The following DOCK5 variants were observed in gnomAD, a reference collection of about 807,000 sequenced individuals.
The protein encoded by DOCK5 is dedicator of cytokinesis 5, also known as dedicator of cytokinesis protein 5.
Under a neutral mutation model 251.8 loss-of-function variants are expected in DOCK5, and 142 were observed. The observed-to-expected ratio is 0.56, with a 90% confidence interval of 0.49 to 0.65. The LOEUF (loss-of-function observed/expected upper bound fraction) is 0.65. Among genes scored for constraint, DOCK5 ranks in the 30% least tolerant of loss-of-function variants. The probability of loss-of-function intolerance (pLI) is 0.00; values close to 1 mark genes in which losing one functional copy is unlikely to be tolerated. For synonymous variants in DOCK5, 842 were observed against 835.5 expected (o/e 1.01, Z -0.13); for missense variants, 2,111 against 2,312.3 (o/e 0.91, Z 1.79).
rs180942090 is a variant in DOCK5 at position 25,368,246 on chromosome 8, C to G, written c.3279C>G (p.Asn1093Lys). The change falls in exon 32 of 52, where the codon AAC becomes AAG. Residue 1093 changes from asparagine to lysine, a missense_variant. Asn to Lys is a moderately conservative substitution (Grantham distance 94). This residue lies in a region of DOCK5 where 1,717 missense variants were observed against 1,892.4 expected (regional missense o/e 0.91). Coordinates refer to ENST00000276440, the MANE Select transcript of DOCK5 (RefSeq NM_024940.8). ...TTAGAATCCGGGACATGTGGTATAA[C>G]CTGGGTGAGTGTCTAGCCTTGAACA... ...IGFRIRDMWY[N>K]LGPHKIKFIP... 4 of 1,612,248 alleles carry G rather than the reference C, an allele frequency of 2.5e-6. No individual in the cohort carries two copies. Among genetic ancestry groups the G allele is most frequent in the Admixed American group, 1.7e-5 (1 of 59,794 alleles).
intron 3 of DOCK5, among the ~76,000 whole-genome samples, chr8:25,273,786 A>G (rs1803975285): frequency 6.6e-6 from 1 of 152,180 alleles, no homozygotes; most frequent in Non-Finnish European, 1.5e-5. Flanking sequence ...GCCCCACAGT[A>G]GACACACATT....
chr8:25,185,093 G>A, intron 1 of DOCK5, 142 bp downstream of exon 1: 3 of 1,002,174 alleles, frequency 3.0e-6, no homozygotes, highest in Non-Finnish European at 3.9e-6. Flanking sequence ...AGCCGGGGAC[G>A]GTAGGAGTCC....
At chr8:25,357,607 A>G (rs1350416291) in intron 27 of DOCK5, among the ~76,000 whole-genome samples, 4 of 151,892 alleles carry the variant, frequency 2.6e-5, no homozygotes, top group Non-Finnish European at 5.9e-5. Flanking sequence ...CAAACTCCTG[A>G]CCTCAAGTGA....
chr8:25,347,249 C>T (rs1800387175), intron 26 of DOCK5, among the ~76,000 whole-genome samples: 1 of 152,168 alleles, frequency 6.6e-6, no homozygotes, highest in African/African-American at 2.4e-5. Context: ...TCTGTGAATC[C>T]ACATTGCAGC....
In DOCK5 at chr8:25,320,901, TGA is replaced by T. The variant is rs1805406821; in HGVS notation, c.1543-77_1543-76del. The T allele has an allele frequency of 3.2e-6, 4 of 1,258,250 alleles. No homozygotes were observed. In the African/African-American group the frequency reaches 4.4e-5, roughly 14 times the overall value. The allele number at this position is 1,258,250 out of a possible 1,614,324, so 77.9% of individuals were successfully genotyped here. On this transcript the variant is annotated intron_variant, in intron 15 of 51. Transcript: ENST00000276440. ...ATTTGTGCTGTGGAAAGTATAAAAT[TGA>T]GCCTAATTCCATGAAATAAACCATG...
Position 25,411,436 on chromosome 8 carries a change from C to T in DOCK5, c.*138C>T. ...TGGGATGATGTTTACCAGCCCAAAACCAGTCATGTTCTTCCAAAAGCTTCT... is the reference window on the plus strand; with the variant it reads ...TGGGATGATGTTTACCAGCCCAAAATCAGTCATGTTCTTCCAAAAGCTTCT... On this transcript the variant is annotated 3_prime_UTR_variant, in exon 52 of 52. Transcript: ENST00000276440. 5.0e-6 allele frequency: 6 copies of T among 1,196,032 alleles called. No homozygotes were observed. Among genetic ancestry groups the T allele is most frequent in the Non-Finnish European group, 5.4e-6 (5 of 931,368 alleles). The allele number at this position is 1,196,032 out of a possible 1,614,324, so 74.1% of individuals were successfully genotyped here.
chr8:25,242,752 G>T (rs535568030), intron 1 of DOCK5, among the ~76,000 whole-genome samples: 1 of 152,310 alleles, frequency 6.6e-6, no homozygotes, highest in Admixed American at 6.5e-5. Context: ...GGTGGCTGAG[G>T]TCACCTTGAT....
rs546685619 is a variant in DOCK5, at chr8:25,411,525, C to T, written c.*227C>T. 1 of 488,052 alleles carries T rather than the reference C, an allele frequency of 2.0e-6. No individual in the cohort carries two copies. Among genetic ancestry groups the T allele is most frequent in the African/African-American group, 2.0e-5 (1 of 49,840 alleles). The allele number at this position is 488,052 out of a possible 1,614,324, so 30.2% of individuals were successfully genotyped here. A position where few individuals can be genotyped will look rare whatever the true frequency, so the allele number is the denominator to read the frequency against. ...GTCCACATGGAATTCCAGAATCAGTCACAGCCTCTGATTTTTTCCAAGAAG... is the reference window on the plus strand; with the variant it reads ...GTCCACATGGAATTCCAGAATCAGTTACAGCCTCTGATTTTTTCCAAGAAG... On this transcript the variant is annotated 3_prime_UTR_variant, in exon 52 of 52. Transcript: ENST00000276440.
chr8:25,261,786 GC>G (rs1803589744), intron 2 of DOCK5, among the ~76,000 whole-genome samples: 1 of 152,172 alleles, frequency 6.6e-6, no homozygotes, highest in African/African-American at 2.4e-5. Context: ...TCAGTAAACA[GC>G]CACCGATCTG....
At chr8:25,264,758 A>C (rs1239971616) in intron 2 of DOCK5, among the ~76,000 whole-genome samples, 1 of 151,608 alleles carries the variant, frequency 6.6e-6, no homozygotes, top group Non-Finnish European at 1.5e-5. Flanking sequence ...ACCTGGGAGG[A>C]GGAGGTTGCA....
intron 22 of DOCK5, among the ~76,000 whole-genome samples, chr8:25,340,048 A>C (rs1039724602): frequency 6.6e-6 from 1 of 152,168 alleles, no homozygotes; most frequent in Admixed American, 6.5e-5. Context: ...GAGAAGAAAC[A>C]TAGATAACAT....
intron 18 of DOCK5, among the ~76,000 whole-genome samples, chr8:25,331,926 AT>A (rs1216694786): frequency 6.6e-6 from 1 of 152,012 alleles, no homozygotes; most frequent in East Asian, 1.9e-4. Context: ...AAGGCAGCAA[AT>A]TAAAAGTAGG....
intron 20 of DOCK5, among the ~76,000 whole-genome samples, chr8:25,333,498 G>A (rs531089130): frequency 1.3e-5 from 2 of 152,314 alleles, no homozygotes; most frequent in African/African-American, 2.4e-5. Flanking sequence ...GTGGGACAAG[G>A]TCTGGAAACA....
intron 8 of DOCK5, 36 bp downstream of exon 8, chr8:25,299,137 C>G (rs1804693246): frequency 2.5e-6 from 4 of 1,601,878 alleles, no homozygotes; most frequent in Non-Finnish European, 3.4e-6. Context: ...GCTGACCTAA[C>G]AAAGATACCC....
At chr8:25,324,061 T>C in intron 17 of DOCK5, 110 bp downstream of exon 17, 15 of 1,221,444 alleles carry the variant, frequency 1.2e-5, no homozygotes, top group Non-Finnish European at 1.6e-5. Context: ...GAGCTTTCTG[T>C]ACTTGCCCAT....
At chr8:25,281,155 A>C (rs973293170) in intron 5 of DOCK5, among the ~76,000 whole-genome samples, 1 of 152,114 alleles carries the variant, frequency 6.6e-6, no homozygotes, top group Non-Finnish European at 1.5e-5. Context: ...GGCCAGGTGC[A>C]GTGGCTCGTG....
chr8:25,184,872 G>A lies in DOCK5; in HGVS notation c.-37G>A, dbSNP rs1801389176. The A allele has an allele frequency of 1.5e-6, 2 of 1,355,130 alleles. No individual in the cohort carries two copies. Among genetic ancestry groups the A allele is most frequent in the South Asian group, 1.9e-5 (1 of 52,206 alleles). 83.9% of individuals were successfully genotyped at this position (1,355,130 alleles called of 1,614,324 possible). The stretch of plus-strand genomic sequence containing the variant: ...GGCCGGAGCCCGAGGAGCTGTAGCA[G>A]CCTTAGTCGCCGCCGCCGCGGGGCG... On this transcript the variant is annotated 5_prime_UTR_variant, in exon 1 of 52. Coordinates refer to ENST00000276440, the MANE Select transcript of DOCK5 (RefSeq NM_024940.8).
chr8:25,285,337 G>T (rs1014875488), intron 5 of DOCK5, among the ~76,000 whole-genome samples: 2 of 152,030 alleles, frequency 1.3e-5, no homozygotes, highest in African/African-American at 4.8e-5. Context: ...GTAGAGAAGG[G>T]GTTTCACCAT....
At chr8:25,228,972 T>G (rs1802598806) in intron 1 of DOCK5, among the ~76,000 whole-genome samples, 1 of 151,604 alleles carries the variant, frequency 6.6e-6, no homozygotes, top group Non-Finnish European at 1.5e-5. Context: ...GTCTCACACC[T>G]GTAATCCCAG....
Sources: allele counts gnomAD v4.1 joint callset (sites outside exome capture counted in the v4.1 genomes callset), GRCh38; gene constraint gnomAD v4.1.1; regional missense constraint gnomAD v4.1.1; transcripts MANE v1.5; gene names NCBI Gene and HGNC (gene_info 2026-07-23, HGNC 2026-07-21).